Variants in WWC2 observed in about 807,000 individuals in gnomAD.
WWC2 encodes the protein WW and C2 domain containing 2.
WWC2 carries 101 observed loss-of-function variants against 138.5 expected under a neutral mutation model. The observed-to-expected ratio is 0.73, with a 90% CI of 0.62 to 0.86. WWC2 has a LOEUF of 0.86. Among genes scored for constraint, WWC2 ranks in the 40% least tolerant of loss-of-function variants. WWC2 has a pLI of 0.00. For synonymous variants in WWC2, 558 were observed against 538.4 expected, an observed-to-expected ratio of 1.04 and a Z score of -0.50; for missense variants, 1,420 against 1,419.4, an observed-to-expected ratio of 1.00 and a Z score of -0.01.
chr4:183,158,523 A>G (rs1245908858), intron 1 of WWC2, among the ~76,000 whole-genome samples: 1 of 151,762 alleles, frequency 6.6e-6, no homozygotes, highest in Admixed American at 6.6e-5. Flanking sequence ...AATGCCAGTC[A>G]GTCTAGATTA....
intron 1 of WWC2, among the ~76,000 whole-genome samples, chr4:183,179,102 G>C (rs141511031): frequency 1.3e-5 from 2 of 152,140 alleles, no homozygotes; most frequent in Non-Finnish European, 2.9e-5. Flanking sequence ...AACATGAAAA[G>C]CCTCATAAAT....
At chr4:183,146,525 A>G (rs184365326) in intron 1 of WWC2, among the ~76,000 whole-genome samples, 1 of 152,222 alleles carries the variant, frequency 6.6e-6, no homozygotes, top group Non-Finnish European at 1.5e-5. Flanking sequence ...GAGTTCTTTC[A>G]TGCCCAGGTA....
At chr4:183,273,923 T>C (rs1737774425) in intron 16 of WWC2, among the ~76,000 whole-genome samples, 1 of 152,246 alleles carries the variant, frequency 6.6e-6, no homozygotes, top group African/African-American at 2.4e-5. Flanking sequence ...GTTGTTAACG[T>C]GGATCCAGTT....
intron 19 of WWC2, 65 bp from the exon 20 acceptor site, chr4:183,285,902 C>T: frequency 1.4e-6 from 2 of 1,448,198 alleles, no homozygotes; most frequent in South Asian, 1.2e-5. Context: ...ATGTCTCAAT[C>T]CCAAACTTCC....
At chr4:183,222,837 A>T (rs1049442507) in intron 4 of WWC2, among the ~76,000 whole-genome samples, 5 of 152,108 alleles carry the variant, frequency 3.3e-5, no homozygotes, top group African/African-American at 1.2e-4. Flanking sequence ...GGTGGTGCAC[A>T]TACCTGTAGT....
At chr4:183,218,297 C>G (rs1418026758) in intron 4 of WWC2, among the ~76,000 whole-genome samples, 2 of 150,756 alleles carry the variant, frequency 1.3e-5, no homozygotes, top group Non-Finnish European at 3.0e-5. Context: ...AAATGCAAAT[C>G]AAAATTACAA....
chr4:183,243,190 A>T (rs942494565), intron 5 of WWC2, among the ~76,000 whole-genome samples: 1 of 152,174 alleles, frequency 6.6e-6, no homozygotes, highest in Admixed American at 6.5e-5. Context: ...TTTATTTTCA[A>T]ATGATAAAGT....
intron 12 of WWC2, 47 bp downstream of exon 12, chr4:183,265,154 C>G (rs1370347916): frequency 1.3e-6 from 2 of 1,571,872 alleles, no homozygotes. Context: ...ATCTCCATCG[C>G]CGTGGATGTG....
chr4:183,168,994 G>A (rs1426963641), intron 1 of WWC2, among the ~76,000 whole-genome samples: 2 of 152,110 alleles, frequency 1.3e-5, no homozygotes, highest in African/African-American at 2.4e-5. Flanking sequence ...TATTACAGGC[G>A]TGCACCACCA....
At chr4:183,247,417 A>T (rs1560864388) in intron 6 of WWC2, among the ~76,000 whole-genome samples, 1 of 150,408 alleles carries the variant, frequency 6.6e-6, no homozygotes, top group African/African-American at 2.4e-5. Context: ...CAAGGTCACT[A>T]AAAGGTTTTT....
chr4:183,319,684 C>G lies in WWC2; in HGVS notation c.*3955C>G, dbSNP rs774062557. 3 of 1,614,070 alleles carry G rather than the reference C, an allele frequency of 1.9e-6. No individual in the cohort carries two copies. Among genetic ancestry groups the G allele is most frequent in the Non-Finnish European group, 2.5e-6 (3 of 1,179,976 alleles). On this transcript the variant is annotated 3_prime_UTR_variant, in exon 23 of 23. Coordinates refer to ENST00000403733, the MANE Select transcript of WWC2 (RefSeq NM_024949.6). The stretch of plus-strand genomic sequence containing the variant: ...GCTGCACAGTGGAGCAGACACCCTC[C>G]TAGCAGAAGAGAAAGTCCAGCAAAC...
At chr4:183,189,748 G>A (rs975171962) in intron 1 of WWC2, among the ~76,000 whole-genome samples, 4 of 152,194 alleles carry the variant, frequency 2.6e-5, no homozygotes, top group Non-Finnish European at 4.4e-5. Context: ...GTACATTTGG[G>A]AGGCTCTGAA....
At chr4:183,241,806 TG>T (rs1370740386) in intron 5 of WWC2, among the ~76,000 whole-genome samples, 1 of 152,158 alleles carries the variant, frequency 6.6e-6, no homozygotes, top group Non-Finnish European at 1.5e-5. Flanking sequence ...AAACAGAGTT[TG>T]AAGAGTGCCG....
In WWC2 at chr4:183,223,267, C is replaced by T. The variant is rs572793296; in HGVS notation, c.522+14242C>T. Among the ~76,000 whole-genome samples, 5 of 152,332 alleles carry T rather than the reference C, an allele frequency of 3.3e-5. No homozygotes were observed. In the East Asian group the frequency reaches 9.6e-4, roughly 29 times the overall value. ...CTGTGTAAGTGTACTCTGTGATATT[C>T]ACGTGATAGCAGAATTGCCCAACAT... On this transcript the variant is annotated intron_variant, in intron 4 of 22. Coordinates refer to ENST00000403733, the MANE Select transcript of WWC2 (RefSeq NM_024949.6).
At chr4:183,119,194 GC>G (rs1432977287) in intron 1 of WWC2, among the ~76,000 whole-genome samples, 16 of 152,098 alleles carry the variant, frequency 1.1e-4, no homozygotes. Flanking sequence ...AAAATCAGGA[GC>G]ATTGCACTGG....
intron 4 of WWC2, among the ~76,000 whole-genome samples, chr4:183,235,661 C>A (rs1397943): frequency 0.97 from 147,367 of 152,280 alleles, 71,477 homozygotes; most frequent in Non-Finnish European, 1. Flanking sequence ...CATATTGCAG[C>A]CTTTCCTTCT....
intron 6 of WWC2, among the ~76,000 whole-genome samples, chr4:183,247,474 C>CAT (rs963240931): frequency 3.9e-4 from 56 of 144,388 alleles, no homozygotes; most frequent in African/African-American, 1.0e-3. Context: ...GTTTTATCCT[C>CAT]ATATATATAT....
At chr4:183,196,748 C>T (rs1735154583) in intron 2 of WWC2, among the ~76,000 whole-genome samples, 1 of 152,138 alleles carries the variant, frequency 6.6e-6, no homozygotes, top group Non-Finnish European at 1.5e-5. Context: ...CTGCACAGCC[C>T]CTAGGCCCTC....
rs78475332 is a variant in WWC2, at chr4:183,203,178, T to G, written c.242-4775T>G. 9.2e-4 allele frequency among the ~76,000 whole-genome samples: 83 copies of G among 89,936 alleles called. No homozygotes were observed. The East Asian group carries it at 0.028, about 30-fold the overall frequency. 59.0% of individuals were successfully genotyped at this position (89,936 alleles called of 152,430 possible). On this transcript the variant is annotated intron_variant, in intron 2 of 22. Coordinates refer to ENST00000403733, the MANE Select transcript of WWC2 (RefSeq NM_024949.6). ...TCAGGACTCAAAATAATTCATTTGCTTTTTTTTTTTTTTTAAACTTTCATT... is the reference window on the plus strand; with the variant it reads ...TCAGGACTCAAAATAATTCATTTGCGTTTTTTTTTTTTTTAAACTTTCATT...
Sources: gnomAD v4.1 joint callset for allele counts (sites outside exome capture counted in the v4.1 genomes callset) on GRCh38, gnomAD v4.1.1 for gene constraint, MANE v1.5 for transcripts, NCBI Gene and HGNC (gene_info 2026-07-23, HGNC 2026-07-21) for gene names.